Variants in ZBTB6 observed in about 807,000 individuals in gnomAD.
The protein encoded by ZBTB6 is zinc finger and BTB domain-containing protein 6.
ZBTB6 carries 11 observed loss-of-function variants against 30.6 expected under a neutral mutation model. That is an observed-to-expected ratio of 0.36 (90% CI 0.23 to 0.60). The LOEUF (loss-of-function observed/expected upper bound fraction) is 0.60, where lower values mean the gene tolerates loss of function less well. Ranked by LOEUF, ZBTB6 falls within the 20% of genes least tolerant of loss-of-function variation. ZBTB6 has a pLI of 0.75. For synonymous variants in ZBTB6, 174 were observed against 172.0 expected (o/e 1.01, Z -0.09); for missense variants, 380 against 489.4 (o/e 0.78, Z 2.11).
intron 1 of ZBTB6, 64 bp from the exon 2 acceptor site, chr9:122,912,145 T>C: frequency 6.7e-7 from 1 of 1,493,992 alleles, no homozygotes; most frequent in Non-Finnish European, 9.0e-7. Context: ...CATGCTGTAA[T>C]GGTGAAAACA....
At position 122,911,752 on chromosome 9, in the gene ZBTB6, G is replaced by A. The variant is rs750232365; in HGVS notation, c.321C>T (p.Ala107=). 37 of 1,614,042 alleles carry A rather than the reference G, an allele frequency of 2.3e-5. No individual in the cohort carries two copies. The Admixed American group carries it at 5.8e-4, about 25-fold the overall frequency. The change falls in exon 2 of 2, where the codon GCC becomes GCT. Residue 107 remains alanine, a synonymous_variant. Transcript: ENST00000373659. This position sits in a 1 kb window ranked among gnomAD's most constrained non-coding sequence, Gnocchi z 4.5. The stretch of plus-strand genomic sequence containing the variant: ...CAATGTGAACCATCTGAAGGTAACT[G>A]GCAGCAGTCAAGTATTTCAAAAGCT... ...RKELLKYLTA[A]SYLQMVHIVE...
In ZBTB6 at chr9:122,908,429, T is replaced by G. The variant is rs1832922943; in HGVS notation, c.*2369A>C. The stretch of plus-strand genomic sequence containing the variant: ...AATAATATAAATAATAACCATCACT[T>G]TCACAAAACACCCCTCCCCCAGCAA... On this transcript the variant is annotated 3_prime_UTR_variant, in exon 2 of 2. Coordinates refer to ENST00000373659, the MANE Select transcript of ZBTB6 (RefSeq NM_006626.6). The G allele has an allele frequency of 6.6e-6, 1 of 152,508 alleles. No homozygotes were observed. The highest frequency in any genetic ancestry group is 2.4e-5 in the African/African-American group (1 of 41,412). 9.4% of individuals were successfully genotyped at this position (152,508 alleles called of 1,614,324 possible).
rs1220447846 is a variant in ZBTB6, at chr9:122,910,582, T to C, written c.*216A>G. 2.7e-5 allele frequency: 14 copies of C among 521,338 alleles called. No individual in the cohort carries two copies. The highest frequency in any genetic ancestry group is 1.3e-4 in the South Asian group (5 of 38,046). 32.3% of individuals were successfully genotyped at this position (521,338 alleles called of 1,614,324 possible). ...TCTCTAGGGATACTACTGAGACTTA[T>C]ATGTAAGGTATGAGATGAGACAGAA... On this transcript the variant is annotated 3_prime_UTR_variant, in exon 2 of 2. Coordinates refer to ENST00000373659, the MANE Select transcript of ZBTB6 (RefSeq NM_006626.6).
Position 122,912,087 on chromosome 9 carries a change from CA to C in ZBTB6, c.-9-7del, listed in dbSNP as rs1832959271. ...TCAGCAGCCATGATCACAATCTAAG[CA>C]AAATAAAACACAAACATTGATGTAA... is the stretch of plus-strand genomic sequence containing the variant. On this transcript the variant is annotated splice_polypyrimidine_tract_variant and splice_region_variant and intron_variant, in intron 1 of 1. Coordinates refer to ENST00000373659, the MANE Select transcript of ZBTB6 (RefSeq NM_006626.6). The C allele has an allele frequency of 4.4e-6, 7 of 1,593,492 alleles. No homozygotes were observed. The highest frequency in any genetic ancestry group is 6.0e-6 in the Non-Finnish European group (7 of 1,169,564).
At position 122,910,893 on chromosome 9, in the gene ZBTB6, T is replaced by G; in HGVS notation, c.1180A>C (p.Lys394Gln). ...GTTAAGTGCTTTTTGAGAGCAGACT[T>G]GTGCTTGAAATCCATATCACAACAG... ...CHCCDMDFKH[K>Q]SALKKHLTSV... is the part of the protein sequence containing the mutation. Residue 394 changes from lysine to glutamine, a missense_variant, in exon 2 of 2, where the codon AAG becomes CAG. Coordinates refer to ENST00000373659, the MANE Select transcript of ZBTB6 (RefSeq NM_006626.6). 1.2e-6 allele frequency: 2 copies of G among 1,614,196 alleles called. No individual in the cohort carries two copies. The highest frequency in any genetic ancestry group is 1.7e-6 in the Non-Finnish European group (2 of 1,180,024).
In ZBTB6 at chr9:122,910,532, G is replaced by A. The variant is rs1028394972; in HGVS notation, c.*266C>T. On this transcript the variant is annotated 3_prime_UTR_variant, in exon 2 of 2. Coordinates refer to ENST00000373659, the MANE Select transcript of ZBTB6 (RefSeq NM_006626.6). ...CTGGATCCTTTGTCACTAGAATCAA[G>A]AATATATAAGAGAGGAACACTATTT... 9.0e-5 allele frequency: 28 copies of A among 311,774 alleles called. No homozygotes were observed. The highest frequency in any genetic ancestry group is 5.3e-4 in the African/African-American group (25 of 46,766). The allele number at this position is 311,774 out of a possible 1,614,324, so 19.3% of individuals were successfully genotyped here. A position where few individuals can be genotyped will look rare whatever the true frequency, so the allele number is the denominator to read the frequency against.
At position 122,908,384 on chromosome 9, in the gene ZBTB6, C is replaced by T. The variant is rs536540888; in HGVS notation, c.*2414G>A. Reference sequence around the variant, plus strand: ...TCCTAGGAATGTTTGGAGATCATTCCGTGCTACTGAACAGGAATAAATAAT... The same window carrying T: ...TCCTAGGAATGTTTGGAGATCATTCTGTGCTACTGAACAGGAATAAATAAT... On this transcript the variant is annotated 3_prime_UTR_variant, in exon 2 of 2. Coordinates refer to ENST00000373659, the MANE Select transcript of ZBTB6 (RefSeq NM_006626.6). 2.6e-5 allele frequency: 4 copies of T among 152,620 alleles called. No individual in the cohort carries two copies. The highest frequency in any genetic ancestry group is 9.6e-5 in the African/African-American group (4 of 41,532). The allele number at this position is 152,620 out of a possible 1,614,324, so 9.5% of individuals were successfully genotyped here. A position where few individuals can be genotyped will look rare whatever the true frequency, so the allele number is the denominator to read the frequency against.
rs1052187095 is a variant in ZBTB6 at position 122,911,277 on chromosome 9, C to T, written c.796G>A (p.Glu266Lys). The change falls in exon 2 of 2, where the codon GAA (glutamate) becomes AAA (lysine). Residue 266 changes from glutamate (E) to lysine (K), a missense_variant. By Grantham distance (56) the Glu-to-Lys change is moderately conservative (BLOSUM62 1). Transcript: ENST00000373659. The surrounding 1 kb of genome is among the most constrained non-coding windows in gnomAD (Gnocchi z 4.5). ...INSTVESRVA[E>K]VPGNQDQGLF... ...CCCTGATCTTGATTCCCAGGAACTT[C>T]AGCCACTCTGCTCTCAACTGTAGAA... 1.2e-6 allele frequency: 2 copies of T among 1,614,060 alleles called. No individual in the cohort carries two copies. The highest frequency in any genetic ancestry group is 1.7e-6 in the Non-Finnish European group (2 of 1,180,044).
chr9:122,911,501 T>C lies in ZBTB6; in HGVS notation c.572A>G (p.Glu191Gly). ...EESNALQSTV[E>G]SLTSERKEMK... ...TTCCTTTCTCTCTGATGTCAGACTC[T>C]CTACTGTAGACTGCAAAGCATTGCT... Residue 191 changes from glutamate (E) to glycine (G), a missense_variant, in exon 2 of 2, where the codon GAG (glutamate) becomes GGG (glycine). Coordinates refer to ENST00000373659, the MANE Select transcript of ZBTB6 (RefSeq NM_006626.6). This position sits in a 1 kb window ranked among gnomAD's most constrained non-coding sequence, Gnocchi z 4.5. The C allele has an allele frequency of 6.2e-7, 1 of 1,614,166 alleles. No homozygotes were observed. The highest frequency in any genetic ancestry group is 1.1e-5 in the South Asian group (1 of 91,084).
Position 122,911,539 on chromosome 9 carries a change from A to C in ZBTB6, c.534T>G (p.Val178=). 6.2e-7 allele frequency: 1 copy of C among 1,613,978 alleles called. No individual in the cohort carries two copies. The highest frequency in any genetic ancestry group is 2.2e-5 in the East Asian group (1 of 44,874). The change falls in exon 2 of 2, where the codon GTT becomes GTG. Residue 178 remains valine, a synonymous_variant. Transcript: ENST00000373659. This position sits in a 1 kb window ranked among gnomAD's most constrained non-coding sequence, Gnocchi z 4.5. ...EDSPVNIDFH[V]KEEESNALQS... ...GCAAAGCATTGCTTTCCTCTTCTTTAACATGGAAATCTATGTTTACAGGAC... is the reference window on the plus strand; with the variant it reads ...GCAAAGCATTGCTTTCCTCTTCTTTCACATGGAAATCTATGTTTACAGGAC...
At position 122,911,479 on chromosome 9, in the gene ZBTB6, C is replaced by T. The variant is rs766089659; in HGVS notation, c.594G>A (p.Lys198=). 6.2e-7 allele frequency: 1 copy of T among 1,614,122 alleles called. No homozygotes were observed. Among genetic ancestry groups the T allele is most frequent in the Non-Finnish European group, 8.5e-7 (1 of 1,180,032 alleles). Residue 198 remains lysine (K), a synonymous_variant, in exon 2 of 2, where the codon AAG becomes AAA. Transcript: ENST00000373659. This position sits in a 1 kb window ranked among gnomAD's most constrained non-coding sequence, Gnocchi z 4.5. ...STVESLTSER[K]EMKSPELSTV... The stretch of plus-strand genomic sequence containing the variant: ...TAGACAGCTCTGGTGACTTCATTTC[C>T]TTTCTCTCTGATGTCAGACTCTCTA...
At chr9:122,913,192 C>T (rs935236563) in intron 1 of ZBTB6, 59 bp downstream of exon 1, 1 of 944,758 alleles carries the variant, frequency 1.1e-6, no homozygotes, top group Non-Finnish European at 1.3e-6. Context: ...TGTCCTCCTC[C>T]TCCTCCTCCT....
At chr9:122,912,965 C>T (rs1832968672) in intron 1 of ZBTB6, among the ~76,000 whole-genome samples, 1 of 152,234 alleles carries the variant, frequency 6.6e-6, no homozygotes, top group Non-Finnish European at 1.5e-5. Context: ...GTCAGCTGCT[C>T]TCTGAGCACC....
chr9:122,912,173 C>G lies in ZBTB6; in HGVS notation c.-9-92G>C. The G allele has an allele frequency of 8.6e-6, 11 of 1,279,522 alleles. No individual in the cohort carries two copies. In the South Asian group the frequency reaches 8.9e-5, roughly 10 times the overall value. 79.3% of individuals were successfully genotyped at this position (1,279,522 alleles called of 1,614,324 possible). ...TGAAAACAAACGAAAAACCCCAAAC[C>G]TGAATTAGGAAGAAGAAGACTCAAA... On this transcript the variant is annotated intron_variant, in intron 1 of 1. Coordinates refer to ENST00000373659, the MANE Select transcript of ZBTB6 (RefSeq NM_006626.6).
Position 122,911,395 on chromosome 9 carries a change from A to G in ZBTB6, c.678T>C (p.Ser226=). 1 of 1,614,168 alleles carries G rather than the reference A, an allele frequency of 6.2e-7. No homozygotes were observed. Among genetic ancestry groups the G allele is most frequent in the Non-Finnish European group, 8.5e-7 (1 of 1,180,038 alleles). Reference sequence around the variant, plus strand: ...ACTGCCCATTTTCGACACCAGCTGTACTGATGGATTCTACATGAAGGATAC... The same window carrying G: ...ACTGCCCATTTTCGACACCAGCTGTGCTGATGGATTCTACATGAAGGATAC... ...EICILHVESI[S]TAGVENGQFS... Residue 226 remains serine (S), a synonymous_variant, in exon 2 of 2, where the codon AGT becomes AGC. Transcript: ENST00000373659. This position sits in a 1 kb window ranked among gnomAD's most constrained non-coding sequence, Gnocchi z 4.5.
chr9:122,910,969 T>C lies in ZBTB6; in HGVS notation c.1104A>G (p.Thr368=). The stretch of plus-strand genomic sequence containing the variant: ...TGTGTATGTTCAAGTGGTCCTGAAG[T>C]GTGCTTTTGGCAGTAAATGTCTTCA... ...VCLKTFTAKS[T]LQDHLNIHSG... Residue 368 remains threonine (T), a synonymous_variant, in exon 2 of 2, where the codon ACA becomes ACG. Coordinates refer to ENST00000373659, the MANE Select transcript of ZBTB6 (RefSeq NM_006626.6). The C allele has an allele frequency of 6.2e-7, 1 of 1,614,242 alleles. No homozygotes were observed. The highest frequency in any genetic ancestry group is 2.2e-5 in the East Asian group (1 of 44,888).
Position 122,909,986 on chromosome 9 carries a change from T to A in ZBTB6, c.*812A>T, listed in dbSNP as rs1449835653. 6.6e-6 allele frequency: 1 copy of A among 152,102 alleles called. No homozygotes were observed. The highest frequency in any genetic ancestry group is 1.9e-4 in the East Asian group (1 of 5,198). 9.4% of individuals were successfully genotyped at this position (152,102 alleles called of 1,614,324 possible). A position where few individuals can be genotyped will look rare whatever the true frequency, so the allele number is the denominator to read the frequency against. ...GAAGAAATTTCAATTTTACTTCATG[T>A]TAAATAAAAAATAAAATAGAGAGGA... On this transcript the variant is annotated 3_prime_UTR_variant, in exon 2 of 2. Coordinates refer to ENST00000373659, the MANE Select transcript of ZBTB6 (RefSeq NM_006626.6).
chr9:122,910,944 T>C lies in ZBTB6; in HGVS notation c.1129A>G (p.Ser377Gly). The C allele has an allele frequency of 6.2e-7, 1 of 1,614,192 alleles. No individual in the cohort carries two copies. The highest frequency in any genetic ancestry group is 8.5e-7 in the Non-Finnish European group (1 of 1,180,016). ...TGGCATTTGTATGGCCGATCCCCAC[T>C]GTGTATGTTCAAGTGGTCCTGAAGT... ...STLQDHLNIH[S>G]GDRPYKCHCC... Residue 377 changes from serine to glycine, a missense_variant, in exon 2 of 2, where the codon AGT becomes GGT. By Grantham distance (56) the Ser-to-Gly change is moderately conservative. Transcript: ENST00000373659.
intron 1 of ZBTB6, 106 bp downstream of exon 1, chr9:122,913,145 G>T: frequency 3.4e-6 from 2 of 588,446 alleles, no homozygotes; most frequent in Non-Finnish European, 4.3e-6. Context: ...CCCAGTGGTT[G>T]CAGCACAAGA....
Sources: gnomAD v4.1 joint callset for allele counts (sites outside exome capture counted in the v4.1 genomes callset) on GRCh38, gnomAD v4.1.1 for gene constraint, Gnocchi (gnomAD v3.1) non-coding constraint, MANE v1.5 for transcripts, NCBI Gene and HGNC (gene_info 2026-07-23, HGNC 2026-07-21) for gene names.